CYRIA: variants seen among roughly 807,000 people sequenced by gnomAD.
CYRIA encodes CYFIP related Rac1 interactor A, also known as CYFIP-related Rac1 interactor A.
Under a neutral mutation model 43.9 loss-of-function variants are expected in CYRIA, and 15 were observed. The ratio of observed to expected loss-of-function variants is 0.34; its 90% CI spans 0.23 to 0.53. CYRIA has a LOEUF of 0.53. CYRIA is among the 20% of genes least tolerant of loss of function. The probability of loss-of-function intolerance (pLI) is 0.94; values close to 1 mark genes in which losing one functional copy is unlikely to be tolerated. For missense variants in CYRIA, 236 were observed against 394.2 expected, an observed-to-expected ratio of 0.60 and a Z score of 3.40; for synonymous variants, 117 against 136.0, an observed-to-expected ratio of 0.86 and a Z score of 0.97.
At chr2:16,585,223 T>TA (rs201804479) in intron 3 of CYRIA, among the ~76,000 whole-genome samples, 1 of 152,110 alleles carries the variant, frequency 6.6e-6, no homozygotes, top group Non-Finnish European at 1.5e-5. Context: ...ATTTTCAGGA[T>TA]AAAAAAATTT....
chr2:16,628,957 G>C (rs535569770), intron 1 of CYRIA, among the ~76,000 whole-genome samples: 1 of 152,310 alleles, frequency 6.6e-6, no homozygotes, highest in South Asian at 2.1e-4. Flanking sequence ...AATTCAAACA[G>C]TGTATTTTAA....
intron 2 of CYRIA, among the ~76,000 whole-genome samples, chr2:16,610,764 C>A (rs939277995): frequency 6.6e-6 from 1 of 151,736 alleles, no homozygotes; most frequent in Non-Finnish European, 1.5e-5. Flanking sequence ...ACTGTATAGG[C>A]TCTGCTTAGT....
intron 2 of CYRIA, among the ~76,000 whole-genome samples, chr2:16,601,578 C>T (rs1284138981): frequency 6.6e-6 from 1 of 152,030 alleles, no homozygotes; most frequent in Non-Finnish European, 1.5e-5. Context: ...TTTGGATGTA[C>T]TCATGGTATT....
chr2:16,555,313 C>T (rs568819691), intron 10 of CYRIA, among the ~76,000 whole-genome samples, 174 bp from the exon 11 acceptor site: 3 of 152,220 alleles, frequency 2.0e-5, no homozygotes, highest in Admixed American at 1.3e-4. Context: ...TTCCTCTGGG[C>T]TTCTAGAGGA....
chr2:16,608,089 C>G (rs1180600066), intron 2 of CYRIA, among the ~76,000 whole-genome samples: 2 of 152,170 alleles, frequency 1.3e-5, no homozygotes, highest in African/African-American at 4.8e-5. Context: ...CCTCACTCCT[C>G]CCCGCCCAAC....
chr2:16,607,078 T>C (rs1668429811), intron 2 of CYRIA, among the ~76,000 whole-genome samples: 1 of 152,228 alleles, frequency 6.6e-6, no homozygotes, highest in African/African-American at 2.4e-5. Context: ...GTGTTGAAAC[T>C]TCACTTGAAA....
intron 1 of CYRIA, among the ~76,000 whole-genome samples, chr2:16,624,779 C>T (rs547301764): frequency 9.2e-5 from 14 of 152,300 alleles, no homozygotes; most frequent in Admixed American, 4.6e-4. Flanking sequence ...GGAGCTTTCA[C>T]TTATTAAGCA....
At chr2:16,662,869 A>G (rs1670296670) in intron 1 of CYRIA, among the ~76,000 whole-genome samples, 1 of 152,222 alleles carries the variant, frequency 6.6e-6, no homozygotes, top group African/African-American at 2.4e-5. Context: ...CCACCTGTCT[A>G]ACTGTATTAT....
At chr2:16,569,814 T>C (rs188817354) in intron 3 of CYRIA, among the ~76,000 whole-genome samples, 1 of 152,358 alleles carries the variant, frequency 6.6e-6, no homozygotes, top group East Asian at 1.9e-4. Flanking sequence ...TCTTATCCAT[T>C]AGACTGTAGG....
chr2:16,617,762 C>A lies in CYRIA; in HGVS notation c.-11+6102G>T, dbSNP rs1668855547. Among the ~76,000 whole-genome samples, 6 of 152,200 alleles carry A rather than the reference C, an allele frequency of 3.9e-5. No homozygotes were observed. In the South Asian group the frequency reaches 1.2e-3, roughly 32 times the overall value. On this transcript the variant is annotated intron_variant, in intron 2 of 11. Transcript: ENST00000381323. Reference sequence around the variant, plus strand: ...TTAAGTGCAAACTCCACACCAGGGTCCTGCCAGGCCATGTGGGATTCAACA... The same window carrying A: ...TTAAGTGCAAACTCCACACCAGGGTACTGCCAGGCCATGTGGGATTCAACA...
intron 1 of CYRIA, among the ~76,000 whole-genome samples, chr2:16,664,545 G>A (rs572664472): frequency 6.6e-6 from 1 of 152,220 alleles, no homozygotes; most frequent in South Asian, 2.1e-4. Context: ...ACCCCAACCA[G>A]AGATCAGTGA....
At chr2:16,617,284 T>A (rs1180679771) in intron 2 of CYRIA, among the ~76,000 whole-genome samples, 1 of 152,198 alleles carries the variant, frequency 6.6e-6, no homozygotes, top group Non-Finnish European at 1.5e-5. Context: ...GTCACGATTC[T>A]TCATAACTCC....
chr2:16,631,323 C>T (rs1340474191), intron 1 of CYRIA, among the ~76,000 whole-genome samples: 1 of 152,200 alleles, frequency 6.6e-6, no homozygotes, highest in Non-Finnish European at 1.5e-5. Context: ...GAATTGTAAA[C>T]TTCAGCTTCT....
At chr2:16,572,683 G>T (rs1667178664) in intron 3 of CYRIA, among the ~76,000 whole-genome samples, 1 of 152,126 alleles carries the variant, frequency 6.6e-6, no homozygotes, top group Admixed American at 6.6e-5. Context: ...ATTTTTAAGA[G>T]TACAATGATT....
intron 1 of CYRIA, among the ~76,000 whole-genome samples, chr2:16,642,533 T>C (rs936249631): frequency 2.0e-5 from 3 of 152,212 alleles, no homozygotes; most frequent in Non-Finnish European, 4.4e-5. Flanking sequence ...ACCCTGTTGT[T>C]TTCTTGCCAT....
chr2:16,557,833 A>T (rs1167488354), intron 10 of CYRIA, among the ~76,000 whole-genome samples: 1 of 152,188 alleles, frequency 6.6e-6, no homozygotes, highest in African/African-American at 2.4e-5. Flanking sequence ...GTGACAAGTT[A>T]ACAAATGGCT....
In CYRIA at chr2:16,567,541, C is replaced by T. The variant is rs564915840; in HGVS notation, c.71-1774G>A. The stretch of plus-strand genomic sequence containing the variant: ...TGCTGAGATCGGTGAGGAACTGAGG[C>T]GGGGTGGCTGCTCCTGCTTCAGTTA... On this transcript the variant is annotated intron_variant, in intron 3 of 11. Coordinates refer to ENST00000381323, the MANE Select transcript of CYRIA (RefSeq NM_030797.4). 8.2e-4 allele frequency among the ~76,000 whole-genome samples: 125 copies of T among 152,150 alleles called. 4 individuals carry two copies. The South Asian group carries it at 0.024, about 29-fold the overall frequency.
intron 2 of CYRIA, among the ~76,000 whole-genome samples, chr2:16,605,982 T>C (rs1668383578): frequency 6.6e-6 from 1 of 152,162 alleles, no homozygotes; most frequent in African/African-American, 2.4e-5. Flanking sequence ...CCTTTAAGTC[T>C]TGGTCTCCAT....
At position 16,549,998 on chromosome 2, in the gene CYRIA, T is replaced by A. The variant is rs1041552977; in HGVS notation, c.*2938A>T. Reference sequence around the variant, plus strand: ...ATCCATTTCCAGTTGTTTTTTTTTTTTGTTATTGTTTTTTTTTTTCTACTA... The same window carrying A: ...ATCCATTTCCAGTTGTTTTTTTTTTATGTTATTGTTTTTTTTTTTCTACTA... On this transcript the variant is annotated 3_prime_UTR_variant, in exon 12 of 12. Coordinates refer to ENST00000381323, the MANE Select transcript of CYRIA (RefSeq NM_030797.4). The A allele has an allele frequency of 2.6e-5, 4 of 151,610 alleles. No homozygotes were observed. The highest frequency in any genetic ancestry group is 9.7e-5 in the African/African-American group (4 of 41,358). The allele number at this position is 151,610 out of a possible 1,614,324, so 9.4% of individuals were successfully genotyped here. A position where few individuals can be genotyped will look rare whatever the true frequency, so the allele number is the denominator to read the frequency against.
Sources: gnomAD v4.1 joint callset for allele counts (sites outside exome capture counted in the v4.1 genomes callset) on GRCh38, gnomAD v4.1.1 for gene constraint, MANE v1.5 for transcripts, NCBI Gene and HGNC (gene_info 2026-07-23, HGNC 2026-07-21) for gene names.